SYNDIG1: variants seen among roughly 807,000 people sequenced by gnomAD.
The protein encoded by SYNDIG1 is synapse differentiation-inducing gene protein 1.
A neutral mutation model predicts 19.4 loss-of-function variants in SYNDIG1; 9 were observed. The ratio of observed to expected loss-of-function variants is 0.46; its 90% CI spans 0.28 to 0.81. SYNDIG1 has a LOEUF of 0.81. Ranked by LOEUF, SYNDIG1 falls within the 30% of genes least tolerant of loss-of-function variation. SYNDIG1 has a pLI of 0.12. For synonymous variants in SYNDIG1, 141 were observed against 145.9 expected, an observed-to-expected ratio of 0.97 and a Z score of 0.24; for missense variants, 311 against 343.3, an observed-to-expected ratio of 0.91 and a Z score of 0.74.
chr20:24,490,595 C>T (rs910641110), intron 1 of SYNDIG1, among the ~76,000 whole-genome samples: 1 of 152,164 alleles, frequency 6.6e-6, no homozygotes, highest in East Asian at 1.9e-4. Flanking sequence ...GAAGCGAGCA[C>T]GCCAGTTACC....
chr20:24,526,624 G>A (rs187274813), intron 1 of SYNDIG1, among the ~76,000 whole-genome samples: 19 of 152,140 alleles, frequency 1.2e-4, no homozygotes, highest in African/African-American at 3.6e-4. Flanking sequence ...ATGTTTGTTT[G>A]GATTTATAAG....
chr20:24,561,386 C>T (rs939798856), intron 2 of SYNDIG1, among the ~76,000 whole-genome samples: 5 of 152,208 alleles, frequency 3.3e-5, no homozygotes, highest in Admixed American at 6.5e-5. Context: ...GAGTTATAGC[C>T]TTAGACTAGG....
chr20:24,475,065 A>G (rs1351925850), intron 1 of SYNDIG1, among the ~76,000 whole-genome samples: 1 of 152,234 alleles, frequency 6.6e-6, no homozygotes, highest in Non-Finnish European at 1.5e-5. Flanking sequence ...AATGTTACAG[A>G]AACTCACTCT....
At chr20:24,624,131 G>C (rs1027280657) in intron 3 of SYNDIG1, among the ~76,000 whole-genome samples, 2 of 151,872 alleles carry the variant, frequency 1.3e-5, no homozygotes, top group African/African-American at 4.8e-5. Flanking sequence ...GTGTGGTGGT[G>C]GGTGCCTGTA....
At chr20:24,482,376 T>C (rs1308403247) in intron 1 of SYNDIG1, among the ~76,000 whole-genome samples, 1 of 152,168 alleles carries the variant, frequency 6.6e-6, no homozygotes, top group Non-Finnish European at 1.5e-5. Context: ...GCCGTGCATC[T>C]TTACTTGTAA....
intron 1 of SYNDIG1, among the ~76,000 whole-genome samples, chr20:24,536,609 G>A (rs1466729765): frequency 1.3e-5 from 2 of 152,106 alleles, no homozygotes; most frequent in Admixed American, 1.3e-4. Context: ...TTACTCAGGT[G>A]AGCCAAGCTG....
chr20:24,483,941 T>C (rs951650504), intron 1 of SYNDIG1, among the ~76,000 whole-genome samples: 1 of 152,014 alleles, frequency 6.6e-6, no homozygotes, highest in Non-Finnish European at 1.5e-5. Flanking sequence ...GTGACTAGCC[T>C]GGAGGAGTAG....
At chr20:24,646,575 T>G (rs1030576375) in intron 3 of SYNDIG1, among the ~76,000 whole-genome samples, 2 of 152,044 alleles carry the variant, frequency 1.3e-5, no homozygotes, top group African/African-American at 4.8e-5. Context: ...CTTCTACTTT[T>G]TGCAGTGAGT....
intron 1 of SYNDIG1, among the ~76,000 whole-genome samples, chr20:24,533,014 G>T (rs1190546549): frequency 2.0e-5 from 3 of 152,138 alleles, no homozygotes; most frequent in Admixed American, 2.0e-4. Flanking sequence ...AGCCAGGAAA[G>T]CTAACTGTTC....
chr20:24,613,040 T>G (rs2147186380), intron 3 of SYNDIG1, among the ~76,000 whole-genome samples: 1 of 152,274 alleles, frequency 6.6e-6, no homozygotes, highest in African/African-American at 2.4e-5. Context: ...GATGGCACCG[T>G]GGGATGGGGT....
chr20:24,530,012 GATGGT>G (rs1483153472), intron 1 of SYNDIG1, among the ~76,000 whole-genome samples: 22 of 78,924 alleles, frequency 2.8e-4, no homozygotes, highest in South Asian at 8.4e-4. Context: ...TGGGGATAAT[GATGGT>G]GATGGTCGTG....
intron 1 of SYNDIG1, among the ~76,000 whole-genome samples, chr20:24,499,643 G>A (rs958227395): frequency 2.3e-4 from 35 of 152,076 alleles, no homozygotes; most frequent in Non-Finnish European, 4.3e-4. Context: ...TGAGTCGGTC[G>A]GTACCTGTCC....
chr20:24,527,582 A>C lies in SYNDIG1; in HGVS notation c.-78-15438A>C, dbSNP rs904825851. Among the ~76,000 whole-genome samples the C allele has an allele frequency of 7.5e-5, 11 of 147,218 alleles. No individual in the cohort carries two copies. The East Asian group carries it at 2.2e-3, about 30-fold the overall frequency. ...TATAGACTCTCACTTATGGTGGCATACAGTCTTTTGTGCATGATGATCTTT... is the reference window on the plus strand; with the variant it reads ...TATAGACTCTCACTTATGGTGGCATCCAGTCTTTTGTGCATGATGATCTTT... On this transcript the variant is annotated intron_variant, in intron 1 of 3. Transcript: ENST00000376862.
At chr20:24,564,806 G>T (rs1038173052) in intron 2 of SYNDIG1, among the ~76,000 whole-genome samples, 6 of 152,180 alleles carry the variant, frequency 3.9e-5, no homozygotes, top group Non-Finnish European at 8.8e-5. Context: ...ATTGAAGAAT[G>T]TGTTCTCATT....
chr20:24,535,811 A>G (rs1228446436), intron 1 of SYNDIG1, among the ~76,000 whole-genome samples: 1 of 151,892 alleles, frequency 6.6e-6, no homozygotes, highest in Non-Finnish European at 1.5e-5. Flanking sequence ...CAAGCATGAG[A>G]CCCCTCTCTT....
intron 3 of SYNDIG1, among the ~76,000 whole-genome samples, chr20:24,615,992 C>T (rs982982026): frequency 2.6e-5 from 4 of 152,156 alleles, no homozygotes; most frequent in African/African-American, 7.2e-5. Context: ...AAGCAACACA[C>T]GGCAGAGTTT....
At position 24,584,845 on chromosome 20, in the gene SYNDIG1, C is replaced by G; in HGVS notation, c.481-11C>G. The G allele has an allele frequency of 6.2e-7, 1 of 1,614,118 alleles. No individual in the cohort carries two copies. Among genetic ancestry groups the G allele is most frequent in the South Asian group, 1.1e-5 (1 of 91,082 alleles). Reference sequence around the variant, plus strand: ...TCTCTCCTGTCCTGTCCTGCTGGTTCTCTCTTGCAGAGCGACTACTCAAGC... The same window carrying G: ...TCTCTCCTGTCCTGTCCTGCTGGTTGTCTCTTGCAGAGCGACTACTCAAGC... On this transcript the variant is annotated splice_polypyrimidine_tract_variant and intron_variant, in intron 2 of 3. Coordinates refer to ENST00000376862, the MANE Select transcript of SYNDIG1 (RefSeq NM_024893.3).
chr20:24,662,306 A>C (rs1217946432), intron 3 of SYNDIG1, among the ~76,000 whole-genome samples: 2 of 151,854 alleles, frequency 1.3e-5, no homozygotes, highest in African/African-American at 2.4e-5. Flanking sequence ...GTTTACTTTT[A>C]CTCTTCAATT....
intron 1 of SYNDIG1, among the ~76,000 whole-genome samples, chr20:24,511,726 G>A (rs998315536): frequency 3.3e-5 from 5 of 152,062 alleles, no homozygotes; most frequent in African/African-American, 7.2e-5. Context: ...GACCTTAGCT[G>A]TGGCTTAAAA....
Sources: allele counts gnomAD v4.1 joint callset (sites outside exome capture counted in the v4.1 genomes callset), GRCh38; gene constraint gnomAD v4.1.1; transcripts MANE v1.5; gene names NCBI Gene and HGNC (gene_info 2026-07-23, HGNC 2026-07-21).